The following UNC13C variants were observed in gnomAD, a reference collection of about 807,000 sequenced individuals.
The protein encoded by UNC13C is protein unc-13 homolog C.
In UNC13C, 174 loss-of-function variants were observed where a neutral mutation model predicts 245.4. The observed-to-expected ratio is 0.71, with a 90% CI of 0.63 to 0.80. The LOEUF (loss-of-function observed/expected upper bound fraction) is 0.80, where lower values mean the gene tolerates loss of function less well. Ranked by LOEUF, UNC13C falls within the 30% of genes least tolerant of loss-of-function variation. UNC13C has a pLI of 0.00. For missense variants in UNC13C, 2,829 were observed against 2,602.9 expected (o/e 1.09, Z -1.89); for synonymous variants, 992 against 895.1 (o/e 1.11, Z -1.93).
At chr15:53,848,102 C>G in the UNC13C span, among the ~76,000 whole-genome samples, 1 of 117,902 alleles carries the variant, frequency 8.5e-6, no homozygotes, top group African/African-American at 2.9e-5. Context: ...TATTCTCTCT[C>G]TCTCTTATTG....
At chr15:53,995,590 A>C (rs1894593244) in intron 1 of UNC13C, among the ~76,000 whole-genome samples, 1 of 152,012 alleles carries the variant, frequency 6.6e-6, no homozygotes. Context: ...GAAAGACTTC[A>C]TGTTCTCTCT....
chr15:53,971,769 G>C, the UNC13C span, among the ~76,000 whole-genome samples: 4 of 152,046 alleles, frequency 2.6e-5, no homozygotes, highest in African/African-American at 9.7e-5. Context: ...ATCAGATACT[G>C]TTCCCTTCTA....
chr15:53,974,105 A>C (rs1893624959), upstream of UNC13C, among the ~76,000 whole-genome samples: 1 of 152,164 alleles, frequency 6.6e-6, no homozygotes. Context: ...TAATACTACT[A>C]TAATGTTTTG....
chr15:54,299,088 C>T (rs2037508970), intron 12 of UNC13C, among the ~76,000 whole-genome samples: 1 of 151,788 alleles, frequency 6.6e-6, no homozygotes, highest in Non-Finnish European at 1.5e-5. Context: ...TTTTTCAGAC[C>T]AATAAAAAGA....
intron 4 of UNC13C, among the ~76,000 whole-genome samples, chr15:54,192,159 C>T (rs1273583683): frequency 6.6e-6 from 1 of 152,056 alleles, no homozygotes; most frequent in African/African-American, 2.4e-5. Flanking sequence ...TTCTTTATTC[C>T]TGAATTAGTT....
chr15:54,527,385 G>A (rs8030914), intron 25 of UNC13C, among the ~76,000 whole-genome samples: 14,439 of 151,864 alleles, frequency 0.095, 893 homozygotes, highest in African/African-American at 0.17. Flanking sequence ...CAAAGTTAGG[G>A]GGAGGAAAAA....
chr15:54,604,972 GA>G (rs990038363), intron 30 of UNC13C, among the ~76,000 whole-genome samples: 11 of 150,360 alleles, frequency 7.3e-5, no homozygotes, highest in South Asian at 2.1e-4. Context: ...ACAACTGGGG[GA>G]AAAAAACAGC....
At chr15:54,397,033 G>T (rs1187401324) in intron 18 of UNC13C, among the ~76,000 whole-genome samples, 1 of 151,064 alleles carries the variant, frequency 6.6e-6, no homozygotes, top group Non-Finnish European at 1.5e-5. Context: ...AAAAAATTTT[G>T]ATGGAATAGT....
At chr15:54,074,300 G>C (rs956093078) in intron 2 of UNC13C, among the ~76,000 whole-genome samples, 6 of 152,194 alleles carry the variant, frequency 3.9e-5, no homozygotes, top group African/African-American at 1.4e-4. Context: ...ATAGTTTGAA[G>C]TCAGTTAGCA....
At chr15:54,270,251 C>T (rs546288537) in intron 10 of UNC13C, among the ~76,000 whole-genome samples, 3 of 152,106 alleles carry the variant, frequency 2.0e-5, no homozygotes, top group Non-Finnish European at 4.4e-5. Flanking sequence ...TATGTTCAGA[C>T]GTTGAAAAAT....
intron 8 of UNC13C, among the ~76,000 whole-genome samples, chr15:54,259,597 A>G (rs2036370779): frequency 6.6e-6 from 1 of 152,216 alleles, no homozygotes; most frequent in South Asian, 2.1e-4. Context: ...CGTGGGAATT[A>G]TGGGAGCTAC....
intron 2 of UNC13C, among the ~76,000 whole-genome samples, chr15:54,045,083 G>T (rs773994447): frequency 5.4e-4 from 82 of 152,080 alleles, no homozygotes; most frequent in Non-Finnish European, 9.1e-4. Context: ...TTTTGATGGA[G>T]TGTAAATTAT....
rs1891488169 is a variant in UNC13C, at chr15:54,455,794, A to C, written c.4934-38814A>C. Among the ~76,000 whole-genome samples the C allele has an allele frequency of 2.6e-5, 4 of 152,222 alleles. No homozygotes were observed. The South Asian group carries it at 8.3e-4, about 32-fold the overall frequency. On this transcript the variant is annotated intron_variant, in intron 19 of 32. Transcript: ENST00000260323. ...GTTATTTGTCAAATGCATAGTTTGC[A>C]AAGATTTTCTCCCATTCTGTGGGAT...
At chr15:53,926,410 A>T in the UNC13C span, among the ~76,000 whole-genome samples, 2 of 152,238 alleles carry the variant, frequency 1.3e-5, no homozygotes, top group African/African-American at 4.8e-5. Context: ...GGATCAAAAA[A>T]GGGATATCAT....
intron 4 of UNC13C, among the ~76,000 whole-genome samples, chr15:54,203,357 C>T (rs555112151): frequency 6.6e-6 from 1 of 151,432 alleles, no homozygotes; most frequent in African/African-American, 2.4e-5. Context: ...AGTCACTATA[C>T]CAAAAAGATA....
chr15:54,285,266 T>A lies in UNC13C; in HGVS notation c.3819-8629T>A, dbSNP rs1010474154. Among the ~76,000 whole-genome samples, 6 of 152,200 alleles carry A rather than the reference T, an allele frequency of 3.9e-5. No homozygotes were observed. The South Asian group carries it at 1.2e-3, about 32-fold the overall frequency. On this transcript the variant is annotated intron_variant, in intron 10 of 32. Coordinates refer to ENST00000260323, the MANE Select transcript of UNC13C (RefSeq NM_001080534.3). ...AAGTGTTGAGGACTCTTTTTTTTTT[T>A]AAACTCCAATACTCCAATAACTAAA...
chr15:53,911,590 A>G, the UNC13C span: 1 of 152,178 alleles, frequency 6.6e-6, no homozygotes, highest in Non-Finnish European at 1.5e-5. Context: ...CTTCTATCAC[A>G]ACTCACCCTT....
chr15:54,192,917 C>CAT (rs898756546), intron 4 of UNC13C, among the ~76,000 whole-genome samples: 3 of 152,032 alleles, frequency 2.0e-5, no homozygotes, highest in Middle Eastern at 3.4e-3. Flanking sequence ...CACACACACA[C>CAT]ACAAACACAA....
intron 24 of UNC13C, chr15:54,512,313 T>C: frequency 2.2e-6 from 1 of 455,876 alleles, no homozygotes; most frequent in Non-Finnish European, 4.4e-6. Context: ...GTCATGTCTT[T>C]GTCCAACATC....
Sources: allele counts gnomAD v4.1 joint callset (sites outside exome capture counted in the v4.1 genomes callset), GRCh38; gene constraint gnomAD v4.1.1; transcripts MANE v1.5; gene names NCBI Gene and HGNC (gene_info 2026-07-23, HGNC 2026-07-21).